The following CCAR2 variants were observed in gnomAD, a reference collection of about 807,000 sequenced individuals.
CCAR2 encodes the protein cell cycle and apoptosis regulator 2.
Under a neutral mutation model 108.1 loss-of-function variants are expected in CCAR2, and 21 were observed. The ratio of observed to expected loss-of-function variants is 0.19; its 90% CI spans 0.14 to 0.28. CCAR2 has a LOEUF of 0.28. CCAR2 is among the 10% of genes least tolerant of loss of function. The pLI is 1.00. For synonymous variants in CCAR2, 577 were observed against 472.8 expected (o/e 1.22, Z -2.86); for missense variants, 1,126 against 1,177.0 (o/e 0.96, Z 0.63).
chr8:22,607,331 TAC>T lies in CCAR2; in HGVS notation c.487+7_487+8del, dbSNP rs769811201. ...CCCACTCTTTCCTCAGAAGCGTGAG[TAC>T]GAGTGGCACTGTTGTTGGGTGTGGC... is the stretch of plus-strand genomic sequence containing the variant. On this transcript the variant is annotated splice_region_variant and intron_variant, in intron 6 of 20. Coordinates refer to ENST00000308511, the MANE Select transcript of CCAR2 (RefSeq NM_001393997.1). The T allele has an allele frequency of 6.8e-6, 11 of 1,609,884 alleles. No homozygotes were observed. The South Asian group carries it at 1.1e-4, about 16-fold the overall frequency.
In CCAR2 at chr8:22,607,190, C is replaced by T. The variant is rs376176133; in HGVS notation, c.358-6C>T. On this transcript the variant is annotated splice_polypyrimidine_tract_variant and splice_region_variant and intron_variant, in intron 5 of 20. Transcript: ENST00000308511. ...TCCCCTGAATTTCCTGGCTCCTGTTCTGCAGCCCCTACTGAAGTCCCCAGC... is the reference window on the plus strand; with the variant it reads ...TCCCCTGAATTTCCTGGCTCCTGTTTTGCAGCCCCTACTGAAGTCCCCAGC... 9.9e-6 allele frequency: 16 copies of T among 1,613,772 alleles called. No individual in the cohort carries two copies. The highest frequency in any genetic ancestry group is 5.3e-5 in the African/African-American group (4 of 74,896).
At chr8:22,617,670 C>T in intron 15 of CCAR2, 26 bp from the exon 16 acceptor site, 2 of 1,614,196 alleles carry the variant, frequency 1.2e-6, no homozygotes, top group Non-Finnish European at 1.7e-6. Flanking sequence ...GGGCCCTGCT[C>T]TCCATTTATC....
In CCAR2 at chr8:22,619,625, C is replaced by CTGTT. The variant is rs1554563423; in HGVS notation, c.2728-11_2728-8dup. ...CCAGGCCCGATTCTGGGTACATCAT[C>CTGTT]TGTTTCAAACAGGCTGACAGCTGGG... is the stretch of plus-strand genomic sequence containing the variant. On this transcript the variant is annotated splice_polypyrimidine_tract_variant and intron_variant, in intron 20 of 20. Coordinates refer to ENST00000308511, the MANE Select transcript of CCAR2 (RefSeq NM_001393997.1). 7 of 1,560,270 alleles carry CTGTT rather than the reference C, an allele frequency of 4.5e-6. No homozygotes were observed. The highest frequency in any genetic ancestry group is 1.7e-4 in the Middle Eastern group (1 of 5,910).
chr8:22,606,492 A>G, intron 3 of CCAR2, 115 bp from the exon 4 acceptor site: 1 of 807,442 alleles, frequency 1.2e-6, no homozygotes, highest in Non-Finnish European at 2.1e-6. Flanking sequence ...CTCTGTGCGA[A>G]CTCTTGATGC....
Position 22,618,750 on chromosome 8 carries a change from C to G in CCAR2, c.2332+22C>G, listed in dbSNP as rs150554368. On this transcript the variant is annotated intron_variant, in intron 18 of 20. Coordinates refer to ENST00000308511, the MANE Select transcript of CCAR2 (RefSeq NM_001393997.1). ...TTCGGTATGTTCTGGGGCCCTGCAG[C>G]CTTCCTGGGGCACGGGCAGGGCAGG... is the stretch of plus-strand genomic sequence containing the variant. 28 of 1,613,412 alleles carry G rather than the reference C, an allele frequency of 1.7e-5. No homozygotes were observed. In the East Asian group the frequency reaches 6.2e-4, roughly 36 times the overall value.
rs777791656 is a variant in CCAR2 at position 22,604,859 on chromosome 8, C to T, written c.-39+17C>T. 6 of 451,892 alleles carry T rather than the reference C, an allele frequency of 1.3e-5. No homozygotes were observed. Among genetic ancestry groups the T allele is most frequent in the Middle Eastern group, 1.3e-3 (2 of 1,596 alleles). 28.0% of individuals were successfully genotyped at this position (451,892 alleles called of 1,614,324 possible). A position where few individuals can be genotyped will look rare whatever the true frequency, so the allele number is the denominator to read the frequency against. On this transcript the variant is annotated intron_variant, in intron 1 of 20. Transcript: ENST00000308511. ...GGCCCGCAGGTGGGTTGGGGGGCCC[C>T]CTGCCGCCCCTCTGCCCCTTCGCCC...
rs1563924191 is a variant in CCAR2 at position 22,616,898 on chromosome 8, G to GTTTT, written c.1846-522_1846-521insTTTT. On this transcript the variant is annotated intron_variant, in intron 14 of 20. Transcript: ENST00000308511. Reference sequence around the variant, plus strand: ...TTTTTTTTTTTTTTTTTTTTTTTTGGGGAGATGGAGTCTTGCTCTGTCACC... The same window carrying GTTTT: ...TTTTTTTTTTTTTTTTTTTTTTTTGGTTTTGGAGATGGAGTCTTGCTCTGTCACC... Among the ~76,000 whole-genome samples, 64 of 12,166 alleles carry GTTTT rather than the reference G, an allele frequency of 5.3e-3. 8 individuals are homozygous for GTTTT. The highest frequency in any genetic ancestry group is 0.03 in the African/African-American group (55 of 1,854). 8.0% of individuals were successfully genotyped at this position (12,166 alleles called of 152,430 possible).
chr8:22,618,833 T>G lies in CCAR2; in HGVS notation c.2339T>G (p.Leu780Arg). ...TTTTCACGGTTCTCTCTAGGAAACCTGGACCTGCTGCCCCCTCCTGGGAAA... is the reference window on the plus strand; with the variant it reads ...TTTTCACGGTTCTCTCTAGGAAACCGGGACCTGCTGCCCCCTCCTGGGAAA... ...GLPEEVLFGNLDLLPPPGKST... is the reference protein window; with the variant it reads ...GLPEEVLFGNRDLLPPPGKST... Residue 780 changes from leucine to arginine, a missense_variant, in exon 19 of 21, where the codon CTG becomes CGG. Physicochemically the swap from Leu to Arg is moderately radical, Grantham distance 102. Around this residue, in one of 4 missense-constraint regions of CCAR2, gnomAD observed 1,013 missense variants for 993.9 expected, o/e 1.02. Transcript: ENST00000308511. 1 of 1,613,686 alleles carries G rather than the reference T, an allele frequency of 6.2e-7. No homozygotes were observed. The highest frequency in any genetic ancestry group is 8.5e-7 in the Non-Finnish European group (1 of 1,179,900).
At chr8:22,617,891 C>A in intron 16 of CCAR2, 113 bp downstream of exon 16, 1 of 1,081,860 alleles carries the variant, frequency 9.2e-7, no homozygotes, top group East Asian at 2.4e-5. Context: ...TTGATGGACC[C>A]AACACACAGT....
intron 1 of CCAR2, chr8:22,605,377 T>C (rs1029677855): frequency 1.7e-5 from 3 of 175,520 alleles, no homozygotes; most frequent in Non-Finnish European, 3.6e-5. Flanking sequence ...GGGGGTGGCG[T>C]GGCATAGTGA....
At chr8:22,621,249 C>T, downstream of CCAR2, 1 of 851,510 alleles carries the variant, frequency 1.2e-6, no homozygotes, top group South Asian at 1.8e-5. Flanking sequence ...GAGACGGCGG[C>T]CTGCCTAGGG....
Position 22,618,375 on chromosome 8 carries a change from G to A in CCAR2, c.2100G>A (p.Val700=). The change falls in exon 17 of 21, where the codon GTG becomes GTA. Residue 700 remains valine (V), a synonymous_variant. Transcript: ENST00000308511. ...CCAAGGAGCTGGATCCCTCTGCTGT[G>A]CTCCCCTTAGACTGTCTGCTTGCTT... The part of the protein sequence containing the change: ...DMPKELDPSA[V]LPLDCLLAFV... 6.2e-7 allele frequency: 1 copy of A among 1,614,192 alleles called. No individual in the cohort carries two copies. Among genetic ancestry groups the A allele is most frequent in the Non-Finnish European group, 8.5e-7 (1 of 1,180,026 alleles).
At chr8:22,619,505 G>A in intron 20 of CCAR2, 133 bp from the exon 21 acceptor site, 1 of 1,403,718 alleles carries the variant, frequency 7.1e-7, no homozygotes, top group Non-Finnish European at 9.8e-7. Context: ...TGTGCCCCTG[G>A]TTGCAGGTTC....
chr8:22,618,307 G>A, intron 16 of CCAR2, 42 bp from the exon 17 acceptor site: 5 of 1,613,488 alleles, frequency 3.1e-6, no homozygotes, highest in Non-Finnish European at 4.2e-6. Context: ...AGCCACTGAG[G>A]GAACTATTTG....
intron 10 of CCAR2, 117 bp downstream of exon 10, chr8:22,614,620 A>T: frequency 9.3e-7 from 1 of 1,078,044 alleles, no homozygotes; most frequent in Non-Finnish European, 1.4e-6. Context: ...AGAGCCGAAC[A>T]CCCCTCATTT....
intron 10 of CCAR2, 148 bp downstream of exon 10, chr8:22,614,651 CTCAGAGCTGTTACGACT>C: frequency 9.7e-7 from 1 of 1,035,552 alleles, no homozygotes; most frequent in Non-Finnish European, 1.5e-6. Context: ...GAAGGTGCAG[CTCAGAGCTGTTACGACT>C]AGTCAGAGAG....
At chr8:22,616,809 C>G (rs1336484022) in intron 14 of CCAR2, among the ~76,000 whole-genome samples, 1 of 141,196 alleles carries the variant, frequency 7.1e-6, no homozygotes, top group African/African-American at 2.6e-5. Context: ...GAGTAAGACT[C>G]TCTGTCTCAA....
chr8:22,615,511 C>G lies in CCAR2; in HGVS notation c.1292C>G (p.Thr431Ser). 6.2e-7 allele frequency: 1 copy of G among 1,613,960 alleles called. No homozygotes were observed. Among genetic ancestry groups the G allele is most frequent in the South Asian group, 1.1e-5 (1 of 91,080 alleles). Residue 431 changes from threonine (T) to serine (S), a missense_variant, in exon 12 of 21, where the codon ACC (threonine) becomes AGC (serine). Transcript: ENST00000308511. The part of the protein sequence containing the change: ...TVVVYLPDVW[T>S]IMPTLEEWEA... The stretch of plus-strand genomic sequence containing the variant: ...GTGGTGTACCTGCCGGATGTCTGGA[C>G]CATCATGCCTACTTTGGAGGAGTGG...
intron 14 of CCAR2, among the ~76,000 whole-genome samples, chr8:22,617,021 T>C (rs1008917759): frequency 3.3e-5 from 5 of 151,074 alleles, no homozygotes; most frequent in Non-Finnish European, 5.9e-5. Context: ...GTAGGTGGGA[T>C]TACAGGCACC....
Sources: gnomAD v4.1 joint callset for allele counts (sites outside exome capture counted in the v4.1 genomes callset) on GRCh38, gnomAD v4.1.1 for gene constraint, gnomAD v4.1.1 regional missense constraint, MANE v1.5 for transcripts, NCBI Gene and HGNC (gene_info 2026-07-23, HGNC 2026-07-21) for gene names.